The following RGS7BP variants were observed in gnomAD, a reference collection of about 807,000 sequenced individuals.
RGS7BP encodes the protein regulator of G protein signaling 7 binding protein, also known as regulator of G protein signaling 7-binding protein.
In RGS7BP, 9 loss-of-function variants were observed where a neutral mutation model predicts 31.3. The ratio of observed to expected loss-of-function variants is 0.29; its 90% CI spans 0.17 to 0.50. The LOEUF (loss-of-function observed/expected upper bound fraction) is 0.50. RGS7BP is among the 20% of genes least tolerant of loss of function. The pLI is 0.98. For missense variants in RGS7BP, 274 were observed against 322.0 expected, an observed-to-expected ratio of 0.85 and a Z score of 1.14; for synonymous variants, 115 against 120.1, an observed-to-expected ratio of 0.96 and a Z score of 0.28.
chr5:64,565,367 G>A (rs1210143503), intron 2 of RGS7BP, among the ~76,000 whole-genome samples: 4 of 151,980 alleles, frequency 2.6e-5, no homozygotes, highest in African/African-American at 9.7e-5. Flanking sequence ...CTGTGTATAT[G>A]TATATTCATA....
At chr5:64,545,039 G>A (rs1408543403) in intron 2 of RGS7BP, among the ~76,000 whole-genome samples, 1 of 151,948 alleles carries the variant, frequency 6.6e-6, no homozygotes, top group African/African-American at 2.4e-5. Context: ...AGCCGGGTGT[G>A]GTGGTGGGCA....
chr5:64,586,978 G>A (rs1342681992), intron 3 of RGS7BP, among the ~76,000 whole-genome samples: 2 of 152,156 alleles, frequency 1.3e-5, no homozygotes, highest in Non-Finnish European at 2.9e-5. Context: ...AATCTCAGTG[G>A]ATTAGAACAA....
chr5:64,601,330 G>A (rs935442332), intron 5 of RGS7BP: 27 of 368,878 alleles, frequency 7.3e-5, no homozygotes, highest in African/African-American at 2.6e-4. Flanking sequence ...TAACTTGGCC[G>A]TCAACTCCAA....
chr5:64,588,262 C>A (rs1742811877), intron 3 of RGS7BP, among the ~76,000 whole-genome samples: 1 of 152,192 alleles, frequency 6.6e-6, no homozygotes, highest in African/African-American at 2.4e-5. Flanking sequence ...TTCGGCACAT[C>A]TTGCAAAATG....
intron 4 of RGS7BP, 145 bp from the exon 5 acceptor site, chr5:64,598,219 TA>T: frequency 1.7e-6 from 1 of 587,904 alleles, no homozygotes; most frequent in Non-Finnish European, 3.0e-6. Flanking sequence ...AAAAGCAAAA[TA>T]AATTCAATAT....
chr5:64,506,807 C>T lies in RGS7BP; in HGVS notation c.165+18C>T, dbSNP rs1561316176. The T allele has an allele frequency of 7.6e-6, 10 of 1,323,946 alleles. No homozygotes were observed. Among genetic ancestry groups the T allele is most frequent in the Admixed American group, 5.0e-5 (2 of 40,026 alleles). 82.0% of individuals were successfully genotyped at this position (1,323,946 alleles called of 1,614,324 possible). A position where few individuals can be genotyped will look rare whatever the true frequency, so the allele number is the denominator to read the frequency against. On this transcript the variant is annotated intron_variant, in intron 1 of 5. Coordinates refer to ENST00000334025, the MANE Select transcript of RGS7BP (RefSeq NM_001029875.3). The surrounding 1 kb of genome is among the most constrained non-coding windows in gnomAD (Gnocchi z 4.6). ...GCAAGATGGTGGGTGAAAACTGCGCCTCTTTTTTTTTTTTTTTAATTGAGA... is the reference window on the plus strand; with the variant it reads ...GCAAGATGGTGGGTGAAAACTGCGCTTCTTTTTTTTTTTTTTTAATTGAGA...
intron 2 of RGS7BP, among the ~76,000 whole-genome samples, chr5:64,575,351 G>A (rs1215305897): frequency 6.6e-6 from 1 of 152,056 alleles, no homozygotes; most frequent in Non-Finnish European, 1.5e-5. Flanking sequence ...CATTATACTA[G>A]GGCCCTAATA....
At chr5:64,608,420 A>G (rs1457409637) in intron 5 of RGS7BP, among the ~76,000 whole-genome samples, 1 of 152,042 alleles carries the variant, frequency 6.6e-6, no homozygotes, top group African/African-American at 2.4e-5. Flanking sequence ...GCAGTCTTCT[A>G]TGAATGCCCT....
chr5:64,566,154 T>G (rs1041767142), intron 2 of RGS7BP, among the ~76,000 whole-genome samples: 2 of 151,638 alleles, frequency 1.3e-5, no homozygotes, highest in African/African-American at 2.4e-5. Context: ...AGAAGCTCTC[T>G]GTTTTTGCTA....
chr5:64,544,029 C>T (rs1741588748), intron 2 of RGS7BP, among the ~76,000 whole-genome samples: 1 of 152,226 alleles, frequency 6.6e-6, no homozygotes, highest in Admixed American at 6.5e-5. Flanking sequence ...TTTGGATTTA[C>T]CGATCTCTGT....
intron 3 of RGS7BP, among the ~76,000 whole-genome samples, chr5:64,590,008 T>A (rs1195233258): frequency 6.6e-6 from 1 of 151,594 alleles, no homozygotes; most frequent in Non-Finnish European, 1.5e-5. Context: ...AATGATAAAG[T>A]ATTTTATTGA....
intron 3 of RGS7BP, among the ~76,000 whole-genome samples, chr5:64,585,650 G>A (rs1256822226): frequency 6.6e-6 from 1 of 152,092 alleles, no homozygotes; most frequent in Non-Finnish European, 1.5e-5. Context: ...TTTGTTTCTC[G>A]TGAATGACCG....
intron 3 of RGS7BP, among the ~76,000 whole-genome samples, chr5:64,594,169 C>T (rs1374412254): frequency 1.3e-5 from 2 of 152,106 alleles, no homozygotes; most frequent in Non-Finnish European, 2.9e-5. Context: ...GCTTTCTCCT[C>T]ATAGAAGGAT....
At chr5:64,550,671 C>T (rs1252645735) in intron 2 of RGS7BP, among the ~76,000 whole-genome samples, 1 of 151,642 alleles carries the variant, frequency 6.6e-6, no homozygotes, top group Non-Finnish European at 1.5e-5. Flanking sequence ...TGTTGGTGTG[C>T]TGCACCCATT....
intron 2 of RGS7BP, among the ~76,000 whole-genome samples, chr5:64,508,785 A>T (rs2111867780): frequency 6.6e-6 from 1 of 152,278 alleles, no homozygotes; most frequent in African/African-American, 2.4e-5. Flanking sequence ...TTCAAATTAG[A>T]CTCACCTGAT....
At chr5:64,550,524 G>A (rs2111834115) in intron 2 of RGS7BP, among the ~76,000 whole-genome samples, 1 of 150,696 alleles carries the variant, frequency 6.6e-6, no homozygotes, top group Middle Eastern at 3.4e-3. Context: ...ATTTGGTGAG[G>A]GGATTCAGGC....
chr5:64,564,629 T>C (rs1351833484), intron 2 of RGS7BP, among the ~76,000 whole-genome samples: 7 of 152,208 alleles, frequency 4.6e-5, no homozygotes, highest in Non-Finnish European at 7.3e-5. Context: ...GAGGAAATTC[T>C]ACTCCACTAA....
intron 3 of RGS7BP, among the ~76,000 whole-genome samples, chr5:64,579,314 G>A (rs1322300797): frequency 6.6e-6 from 1 of 152,098 alleles, no homozygotes; most frequent in Non-Finnish European, 1.5e-5. Flanking sequence ...GGGAGGCTGA[G>A]GTGGGCGGAT....
At chr5:64,593,030 G>A (rs922299620) in intron 3 of RGS7BP, among the ~76,000 whole-genome samples, 7 of 152,162 alleles carry the variant, frequency 4.6e-5, no homozygotes, top group African/African-American at 1.4e-4. Flanking sequence ...TAAATTATGT[G>A]CTTAATTAAT....
Sources: gnomAD v4.1 joint callset for allele counts (sites outside exome capture counted in the v4.1 genomes callset) on GRCh38, gnomAD v4.1.1 for gene constraint, Gnocchi (gnomAD v3.1) non-coding constraint, MANE v1.5 for transcripts, NCBI Gene and HGNC (gene_info 2026-07-23, HGNC 2026-07-21) for gene names.